Variants in CADPS2 observed in about 807,000 individuals in gnomAD.
The protein encoded by CADPS2 is calcium-dependent secretion activator 2.
Under a neutral mutation model 172.5 loss-of-function variants are expected in CADPS2, and 93 were observed. That is an observed-to-expected ratio of 0.54 (90% CI 0.46 to 0.64). The LOEUF (loss-of-function observed/expected upper bound fraction) is 0.64. CADPS2 is among the 30% of genes least tolerant of loss of function. CADPS2 has a pLI of 0.00. For synonymous variants in CADPS2, 546 were observed against 555.2 expected (o/e 0.98, Z 0.23); for missense variants, 1,420 against 1,565.9 (o/e 0.91, Z 1.57).
At chr7:122,817,883 CGCCCCAATCCCTTATCTCTGT>C (rs1801966195) in intron 1 of CADPS2, among the ~76,000 whole-genome samples, 1 of 151,214 alleles carries the variant, frequency 6.6e-6, no homozygotes, top group African/African-American at 2.4e-5. Flanking sequence ...CTTATCTCTG[CGCCCCAATCCCTTATCTCTGT>C]GCCCCAATCC....
chr7:122,812,533 T>C (rs1017673101), intron 1 of CADPS2, among the ~76,000 whole-genome samples: 1 of 152,004 alleles, frequency 6.6e-6, no homozygotes, highest in Non-Finnish European at 1.5e-5. Context: ...AACTGTAGGA[T>C]CGAACAGAAT....
rs1413151361 is a variant in CADPS2, at chr7:122,822,898, ACT to A, written c.339+63099_339+63100del. 1.6e-4 allele frequency among the ~76,000 whole-genome samples: 24 copies of A among 150,534 alleles called. 1 individual carries two copies. Among genetic ancestry groups the A allele is most frequent in the Non-Finnish European group, 2.2e-4 (15 of 67,738 alleles). On this transcript the variant is annotated intron_variant, in intron 1 of 29. Coordinates refer to ENST00000449022, the MANE Select transcript of CADPS2 (RefSeq NM_017954.11). ...GCCCCACCCCTATCTCCCTTCGCTG[ACT>A]CTCTTTTCGGACTCACCCCGCCTGC...
intron 1 of CADPS2, among the ~76,000 whole-genome samples, chr7:122,870,572 CCA>C (rs1819503247): frequency 1.3e-5 from 2 of 151,866 alleles, no homozygotes. Flanking sequence ...TGGTGACTGA[CCA>C]CAGTTAATAA....
intron 9 of CADPS2, among the ~76,000 whole-genome samples, chr7:122,498,413 T>C (rs1041296094): frequency 6.6e-6 from 1 of 152,242 alleles, no homozygotes; most frequent in Non-Finnish European, 1.5e-5. Context: ...TCCCATTATC[T>C]GTTTAAATGT....
At chr7:122,826,936 C>T (rs922067107) in intron 1 of CADPS2, among the ~76,000 whole-genome samples, 16 of 151,684 alleles carry the variant, frequency 1.1e-4, no homozygotes, top group African/African-American at 2.7e-4. Context: ...AACATAAGAA[C>T]GTAAATCAAT....
intron 1 of CADPS2, among the ~76,000 whole-genome samples, chr7:122,777,872 T>C (rs1287694990): frequency 6.6e-6 from 1 of 152,118 alleles, no homozygotes; most frequent in African/African-American, 2.4e-5. Context: ...AGCATGAGAA[T>C]GGACTAATAC....
chr7:122,345,877 G>T (rs1246742807), intron 27 of CADPS2, among the ~76,000 whole-genome samples, 196 bp from the exon 28 acceptor site: 1 of 146,556 alleles, frequency 6.8e-6, no homozygotes, highest in Non-Finnish European at 1.5e-5. Flanking sequence ...TTCACAACTT[G>T]AGATCAAATT....
At chr7:122,629,353 C>T (rs773274809) in intron 3 of CADPS2, 25 bp from the exon 4 acceptor site, 36 of 1,574,522 alleles carry the variant, frequency 2.3e-5, no homozygotes, top group Admixed American at 2.0e-4. Context: ...AGAAGTTACA[C>T]ATATGTAATT....
intron 2 of CADPS2, chr7:122,697,997 C>T (rs2085388774): frequency 1.2e-6 from 2 of 1,613,442 alleles, no homozygotes; most frequent in Admixed American, 1.7e-5. Context: ...TCAACAACCA[C>T]TTGAATCCCC....
intron 6 of CADPS2, among the ~76,000 whole-genome samples, chr7:122,597,517 G>C (rs2072019447): frequency 6.6e-6 from 1 of 152,060 alleles, no homozygotes; most frequent in African/African-American, 2.4e-5. Flanking sequence ...CCCTGTGTCA[G>C]TAGAGAATAA....
intron 28 of CADPS2, among the ~76,000 whole-genome samples, chr7:122,329,550 T>C (rs1177982293): frequency 6.6e-6 from 1 of 152,232 alleles, no homozygotes; most frequent in Non-Finnish European, 1.5e-5. Flanking sequence ...TCATGCAAGT[T>C]AAAGAGAAGT....
intron 11 of CADPS2, among the ~76,000 whole-genome samples, chr7:122,485,528 T>A (rs2057719997): frequency 1.3e-5 from 2 of 152,010 alleles, no homozygotes; most frequent in African/African-American, 4.8e-5. Context: ...CTGAGAGAGG[T>A]GAAGAAGCCT....
chr7:122,597,850 A>G (rs1265955421), intron 6 of CADPS2, among the ~76,000 whole-genome samples: 1 of 152,064 alleles, frequency 6.6e-6, no homozygotes, highest in African/African-American at 2.4e-5. Flanking sequence ...AAATCTATTA[A>G]GCATATCTTT....
chr7:122,483,609 T>G (rs2057518659), intron 11 of CADPS2, among the ~76,000 whole-genome samples: 1 of 152,058 alleles, frequency 6.6e-6, no homozygotes, highest in African/African-American at 2.4e-5. Flanking sequence ...TCACTTTTAA[T>G]TTATTTAAAA....
chr7:122,431,009 C>T (rs1467100392), intron 17 of CADPS2, among the ~76,000 whole-genome samples: 1 of 152,216 alleles, frequency 6.6e-6, no homozygotes, highest in Non-Finnish European at 1.5e-5. Flanking sequence ...TCTATAACCT[C>T]TGGCTTCTCT....
intron 19 of CADPS2, 37 bp downstream of exon 19, chr7:122,414,031 C>T (rs1227975967): frequency 6.5e-7 from 1 of 1,531,480 alleles, no homozygotes. Flanking sequence ...AAAGAGGTAT[C>T]CTATGCTAAT....
chr7:122,780,684 A>AT (rs1207777071), intron 1 of CADPS2, among the ~76,000 whole-genome samples: 14 of 152,044 alleles, frequency 9.2e-5, no homozygotes, highest in Non-Finnish European at 2.1e-4. Context: ...ATTATTTTTT[A>AT]TTTTTTGAGA....
At chr7:122,424,625 A>G (rs1235910039) in intron 17 of CADPS2, among the ~76,000 whole-genome samples, 1 of 152,222 alleles carries the variant, frequency 6.6e-6, no homozygotes, top group East Asian at 1.9e-4. Context: ...GATTACTAGA[A>G]CCCACAAGCA....
chr7:122,415,103 T>C (rs1021778145), intron 18 of CADPS2, among the ~76,000 whole-genome samples: 1 of 152,208 alleles, frequency 6.6e-6, no homozygotes, highest in African/African-American at 2.4e-5. Flanking sequence ...TCTAGATCTT[T>C]AGTGAATGTT....
Sources: allele counts gnomAD v4.1 joint callset (sites outside exome capture counted in the v4.1 genomes callset), GRCh38; gene constraint gnomAD v4.1.1; transcripts MANE v1.5; gene names NCBI Gene and HGNC (gene_info 2026-07-23, HGNC 2026-07-21).